The following POLR2C variants were observed in gnomAD, a reference collection of about 807,000 sequenced individuals.
The protein encoded by POLR2C is RNA polymerase II subunit C.
POLR2C carries 36 observed loss-of-function variants against 41.7 expected under a neutral mutation model. That is an observed-to-expected ratio of 0.86 (90% CI 0.66 to 1.14). The LOEUF (loss-of-function observed/expected upper bound fraction) is 1.14, where lower values mean the gene tolerates loss of function less well. POLR2C is among the 50% of genes most tolerant of loss of function. The pLI is 0.00. For synonymous variants in POLR2C, 133 were observed against 137.8 expected (o/e 0.96, Z 0.25); for missense variants, 260 against 350.4 (o/e 0.74, Z 2.06).
In POLR2C at chr16:57,470,958, G is replaced by C; in HGVS notation, c.684-17G>C. On this transcript the variant is annotated splice_polypyrimidine_tract_variant and intron_variant, in intron 8 of 8. Coordinates refer to ENST00000219252, the MANE Select transcript of POLR2C (RefSeq NM_032940.3). Reference sequence around the variant, plus strand: ...CAGCCTGCCTCGCAGTGCACTCACTGGACTCTTGCCTCCTAGGTTTTACTA... The same window carrying C: ...CAGCCTGCCTCGCAGTGCACTCACTCGACTCTTGCCTCCTAGGTTTTACTA... 1 of 1,611,414 alleles carries C rather than the reference G, an allele frequency of 6.2e-7. No homozygotes were observed. The highest frequency in any genetic ancestry group is 1.4e-5 in the African/African-American group (1 of 73,144).
Position 57,469,101 on chromosome 16 carries a change from CA to C in POLR2C, c.259-62del. On this transcript the variant is annotated intron_variant, in intron 4 of 8. Coordinates refer to ENST00000219252, the MANE Select transcript of POLR2C (RefSeq NM_032940.3). This position sits in a 1 kb window ranked among gnomAD's most constrained non-coding sequence, Gnocchi z 5.8. ...GGGCATTAGATGCAGGAAGCCAAGA[CA>C]AGGAGCCAAGGCAGGAGTTGCCATC... 1 of 1,561,028 alleles carries C rather than the reference CA, an allele frequency of 6.4e-7. No individual in the cohort carries two copies. Among genetic ancestry groups the C allele is most frequent in the South Asian group, 1.1e-5 (1 of 87,538 alleles).
At position 57,469,630 on chromosome 16, in the gene POLR2C, T is replaced by C; in HGVS notation, c.388-80T>C. On this transcript the variant is annotated intron_variant, in intron 5 of 8. Transcript: ENST00000219252. The surrounding 1 kb of genome is among the most constrained non-coding windows in gnomAD (Gnocchi z 5.8). ...GTTCCCTGGTTGACAGATTGCAGTC[T>C]AGAGGTGCTGGGATATGGATGCCAG... 5 of 1,194,978 alleles carry C rather than the reference T, an allele frequency of 4.2e-6. No individual in the cohort carries two copies. Among genetic ancestry groups the C allele is most frequent in the Non-Finnish European group, 6.3e-6 (5 of 799,644 alleles). 74.0% of individuals were successfully genotyped at this position (1,194,978 alleles called of 1,614,324 possible). A position where few individuals can be genotyped will look rare whatever the true frequency, so the allele number is the denominator to read the frequency against.
In POLR2C at chr16:57,469,507, T is replaced by TAA. The variant is rs2030778443; in HGVS notation, c.388-201_388-200dup. On this transcript the variant is annotated intron_variant, in intron 5 of 8. Transcript: ENST00000219252. This position sits in a 1 kb window ranked among gnomAD's most constrained non-coding sequence, Gnocchi z 5.8. The stretch of plus-strand genomic sequence containing the variant: ...ACCCTCTATCACCCAGGGACTCTTT[T>TAA]AAAGGCCATGGAATTGTTTTGCCTG... 6.9e-6 allele frequency: 5 copies of TAA among 725,430 alleles called. No homozygotes were observed. In the South Asian group the frequency reaches 8.3e-5, roughly 12 times the overall value. The allele number at this position is 725,430 out of a possible 1,614,324, so 44.9% of individuals were successfully genotyped here. A position where few individuals can be genotyped will look rare whatever the true frequency, so the allele number is the denominator to read the frequency against.
In POLR2C at chr16:57,466,247, G is replaced by T; in HGVS notation, c.258+20G>T. 6.5e-7 allele frequency: 1 copy of T among 1,531,990 alleles called. No individual in the cohort carries two copies. The highest frequency in any genetic ancestry group is 8.9e-7 in the Non-Finnish European group (1 of 1,129,732). 94.9% of individuals were successfully genotyped at this position (1,531,990 alleles called of 1,614,324 possible). A position where few individuals can be genotyped will look rare whatever the true frequency, so the allele number is the denominator to read the frequency against. On this transcript the variant is annotated intron_variant, in intron 4 of 8. Transcript: ENST00000219252. ...TCTCGGGTATGTTGTGTGATTGGGT[G>T]GAATGTGAGGTTTGGTGGGGAGGCT...
chr16:57,470,935 G>A lies in POLR2C; in HGVS notation c.684-40G>A, dbSNP rs1446977660. 9 of 1,603,626 alleles carry A rather than the reference G, an allele frequency of 5.6e-6. 1 individual carries two copies. The highest frequency in any genetic ancestry group is 1.1e-5 in the South Asian group (1 of 90,802). On this transcript the variant is annotated intron_variant, in intron 8 of 8. Transcript: ENST00000219252. ...CCATGGCCAGAGCTCGGGTCGGCCAGCCTGCCTCGCAGTGCACTCACTGGA... is the reference window on the plus strand; with the variant it reads ...CCATGGCCAGAGCTCGGGTCGGCCAACCTGCCTCGCAGTGCACTCACTGGA...
Position 57,469,259 on chromosome 16 carries a change from G to C in POLR2C, c.353G>C (p.Arg118Pro). Residue 118 changes from arginine (R) to proline (P), a missense_variant, in exon 5 of 9, where the codon CGA becomes CCA. Physicochemically the swap from Arg to Pro is moderately radical, Grantham distance 103. Coordinates refer to ENST00000219252, the MANE Select transcript of POLR2C (RefSeq NM_032940.3). This position sits in a 1 kb window ranked among gnomAD's most constrained non-coding sequence, Gnocchi z 5.8. Reference sequence around the variant, plus strand: ...GACCAGACGCGACATGTCACGTCTCGAGACCTCATCTCCAACAGCCCCCGG... The same window carrying C: ...GACCAGACGCGACATGTCACGTCTCCAGACCTCATCTCCAACAGCCCCCGG... ...NEDQTRHVTSRDLISNSPRVI... is the reference protein window; with the variant it reads ...NEDQTRHVTSPDLISNSPRVI... The C allele has an allele frequency of 1.2e-6, 2 of 1,614,174 alleles. No homozygotes were observed. The highest frequency in any genetic ancestry group is 2.2e-5 in the South Asian group (2 of 91,080).
At chr16:57,468,870 C>CA (rs373087831) in intron 4 of POLR2C, among the ~76,000 whole-genome samples, 220 of 152,252 alleles carry the variant, frequency 1.4e-3, no homozygotes, top group African/African-American at 5.0e-3. Flanking sequence ...AAGAGTAGTT[C>CA]AAGGGCCAGA....
rs1291239928 is a variant in POLR2C at position 57,463,069 on chromosome 16, C to T, written c.127C>T (p.Pro43Ser). The change falls in exon 2 of 9, where the codon CCC becomes TCC. Residue 43 changes from proline to serine, a missense_variant. Pro to Ser is a moderately conservative substitution (Grantham distance 74, BLOSUM62 -1). Transcript: ENST00000219252. ...TCGGAGGGTCTTCATCGCTGAGGTT[C>T]CCATAATAGGTAAGCGACTCCCCTT... ...SIRRVFIAEV[P>S]IIAIDWVQID... 1.9e-6 allele frequency: 3 copies of T among 1,612,990 alleles called. No individual in the cohort carries two copies. Among genetic ancestry groups the T allele is most frequent in the South Asian group, 1.1e-5 (1 of 91,064 alleles).
In POLR2C at chr16:57,471,336, A is replaced by G. The variant is rs536017920; in HGVS notation, c.*217A>G. On this transcript the variant is annotated 3_prime_UTR_variant, in exon 9 of 9. Transcript: ENST00000219252. ...GTCTTTACTGGCCCTGACTGCTGTT[A>G]ATAATTGGCAGCAGTGCTCCCCAGA... 3.0e-4 allele frequency: 163 copies of G among 534,930 alleles called. No individual in the cohort carries two copies. In the South Asian group the frequency reaches 3.6e-3, roughly 12 times the overall value. 33.1% of individuals were successfully genotyped at this position (534,930 alleles called of 1,614,324 possible).
At chr16:57,465,437 T>C (rs943649703) in intron 2 of POLR2C, among the ~76,000 whole-genome samples, 3 of 152,264 alleles carry the variant, frequency 2.0e-5, no homozygotes, top group African/African-American at 7.2e-5. Context: ...GATTGGGTTC[T>C]ATATTTAGTA....
At chr16:57,463,328 G>A in intron 2 of POLR2C, 1 of 590,628 alleles carries the variant, frequency 1.7e-6, no homozygotes, top group South Asian at 2.1e-5. Flanking sequence ...TTAGCAGTGT[G>A]CAGACTTGGG....
intron 4 of POLR2C, among the ~76,000 whole-genome samples, chr16:57,466,461 A>G (rs951045519): frequency 3.9e-5 from 6 of 152,182 alleles, no homozygotes; most frequent in Admixed American, 2.0e-4. Context: ...CACAGTGCCC[A>G]TTTATACTTA....
rs2030776385 is a variant in POLR2C at position 57,469,412 on chromosome 16, C to T, written c.387+119C>T. The T allele has an allele frequency of 8.9e-7, 1 of 1,123,912 alleles. No individual in the cohort carries two copies. Among genetic ancestry groups the T allele is most frequent in the Non-Finnish European group, 1.3e-6 (1 of 746,756 alleles). The allele number at this position is 1,123,912 out of a possible 1,614,324, so 69.6% of individuals were successfully genotyped here. ...GTTGGCTTTCCCTGTTACCCTCTGC[C>T]TTAATCTGATCCCTAGAAGTGCTAA... On this transcript the variant is annotated intron_variant, in intron 5 of 8. Transcript: ENST00000219252. The surrounding 1 kb of genome is among the most constrained non-coding windows in gnomAD (Gnocchi z 5.8).
intron 4 of POLR2C, among the ~76,000 whole-genome samples, chr16:57,467,426 G>GTTGTACAACCA (rs2030736862): frequency 6.6e-6 from 1 of 152,214 alleles, no homozygotes; most frequent in South Asian, 2.1e-4. Flanking sequence ...GCAATTTGGC[G>GTTGTACAACCA]ATATCTTACA....
intron 2 of POLR2C, chr16:57,463,672 C>T (rs2030636486): frequency 2.2e-6 from 1 of 453,428 alleles, no homozygotes; most frequent in Non-Finnish European, 4.4e-6. Context: ...GGCTTCCAGG[C>T]CGCGCTCGCG....
rs2030769680 is a variant in POLR2C, at chr16:57,469,123, C to T, written c.259-42C>T. On this transcript the variant is annotated intron_variant, in intron 4 of 8. Coordinates refer to ENST00000219252, the MANE Select transcript of POLR2C (RefSeq NM_032940.3). The surrounding 1 kb of genome is among the most constrained non-coding windows in gnomAD (Gnocchi z 5.8). ...AGACAAGGAGCCAAGGCAGGAGTTG[C>T]CATCTCCCTTTGACTCATTCCTGCT... The T allele has an allele frequency of 2.5e-6, 4 of 1,592,798 alleles. No individual in the cohort carries two copies.
chr16:57,468,074 A>G (rs1415537548), intron 4 of POLR2C, among the ~76,000 whole-genome samples: 1 of 152,124 alleles, frequency 6.6e-6, no homozygotes, highest in Middle Eastern at 3.2e-3. Context: ...CAGTGGCATG[A>G]TCTTGGCTCA....
Position 57,466,203 on chromosome 16 carries a change from T to C in POLR2C, c.234T>C (p.Ile78=). Reference sequence around the variant, plus strand: ...TAATTCCCCTCATTAGTGATGACATTGTGGACAAGCTGCAGTACTCTCGGG... The same window carrying C: ...TAATTCCCCTCATTAGTGATGACATCGTGGACAAGCTGCAGTACTCTCGGG... The part of the protein sequence containing the change: ...LGLIPLISDD[I]VDKLQYSRDC... The change falls in exon 4 of 9, where the codon ATT becomes ATC. Residue 78 remains isoleucine, a synonymous_variant. Transcript: ENST00000219252. 6 of 1,600,716 alleles carry C rather than the reference T, an allele frequency of 3.7e-6. No individual in the cohort carries two copies. Among genetic ancestry groups the C allele is most frequent in the South Asian group, 1.1e-5 (1 of 88,882 alleles).
chr16:57,468,710 G>A (rs1395388437), intron 4 of POLR2C, among the ~76,000 whole-genome samples: 2 of 152,216 alleles, frequency 1.3e-5, no homozygotes, highest in Non-Finnish European at 2.9e-5. Context: ...AAAGGTTAGT[G>A]TAGAACTTGA....
Sources: allele counts gnomAD v4.1 joint callset (sites outside exome capture counted in the v4.1 genomes callset), GRCh38; gene constraint gnomAD v4.1.1; non-coding constraint Gnocchi (gnomAD v3.1); transcripts MANE v1.5; gene names NCBI Gene and HGNC (gene_info 2026-07-23, HGNC 2026-07-21).